PRKAA2: variants seen among roughly 807,000 people sequenced by gnomAD.
PRKAA2 encodes protein kinase AMP-activated catalytic subunit alpha 2.
A neutral mutation model predicts 56.3 loss-of-function variants in PRKAA2; 40 were observed. The observed-to-expected ratio is 0.71, with a 90% CI of 0.55 to 0.92. The LOEUF (loss-of-function observed/expected upper bound fraction) is 0.92, where lower values mean the gene tolerates loss of function less well. Ranked by LOEUF, PRKAA2 falls within the 40% of genes least tolerant of loss-of-function variation. The pLI, the probability that PRKAA2 is intolerant of heterozygous loss-of-function variation, is 0.00. For synonymous variants in PRKAA2, 214 were observed against 234.2 expected (o/e 0.91, Z 0.79); for missense variants, 542 against 686.9 (o/e 0.79, Z 2.36).
intron 1 of PRKAA2, among the ~76,000 whole-genome samples, chr1:56,653,740 A>T (rs1643920877): frequency 6.6e-6 from 1 of 152,302 alleles, no homozygotes; most frequent in East Asian, 1.9e-4. Context: ...GAGAGAGGGA[A>T]GAATTCACTA....
intron 1 of PRKAA2, among the ~76,000 whole-genome samples, chr1:56,657,173 G>C (rs1037740249): frequency 1.4e-4 from 22 of 152,056 alleles, no homozygotes; most frequent in Non-Finnish European, 2.4e-4. Context: ...TGCAGAAATG[G>C]GAAAAAAATG....
intron 6 of PRKAA2, among the ~76,000 whole-genome samples, chr1:56,701,682 G>T (rs1644294393): frequency 6.6e-6 from 1 of 152,080 alleles, no homozygotes; most frequent in African/African-American, 2.4e-5. Flanking sequence ...GGATCACGAG[G>T]TCAGCGACCA....
chr1:56,676,613 G>A (rs1203896255), intron 2 of PRKAA2, among the ~76,000 whole-genome samples: 2 of 152,188 alleles, frequency 1.3e-5, no homozygotes, highest in Non-Finnish European at 2.9e-5. Context: ...TGAGTTTGAA[G>A]TATGGCAGCA....
rs775647745 is a variant in PRKAA2 at position 56,704,040 on chromosome 1, C to T, written c.858C>T (p.Asn286=). ...CTGAAGACCCTTCCTATGATGCTAA[C>T]GTCATTGATGATGAGGCTGTGAAAG... is the stretch of plus-strand genomic sequence containing the variant. The part of the protein sequence containing the change: ...LFPEDPSYDA[N]VIDDEAVKEV... The change falls in exon 7 of 9, where the codon AAC becomes AAT. Residue 286 remains asparagine, a synonymous_variant. Transcript: ENST00000371244. The T allele has an allele frequency of 9.9e-6, 16 of 1,613,832 alleles. No individual in the cohort carries two copies. The highest frequency in any genetic ancestry group is 1.6e-4 in the Middle Eastern group (1 of 6,062).
chr1:56,664,985 T>C (rs1289648670), intron 1 of PRKAA2, among the ~76,000 whole-genome samples: 3 of 151,970 alleles, frequency 2.0e-5, no homozygotes, highest in Admixed American at 6.6e-5. Flanking sequence ...TCTATTGATA[T>C]CATAACTACC....
intron 1 of PRKAA2, among the ~76,000 whole-genome samples, chr1:56,658,345 TAAG>T (rs1041835222): frequency 3.3e-5 from 5 of 151,516 alleles, no homozygotes; most frequent in Non-Finnish European, 5.9e-5. Flanking sequence ...GGAGGACGAG[TAAG>T]AAGGAGATGA....
chr1:56,669,432 C>T (rs1166498537), intron 1 of PRKAA2, among the ~76,000 whole-genome samples: 1 of 151,808 alleles, frequency 6.6e-6, no homozygotes, highest in African/African-American at 2.4e-5. Context: ...GCACTCCAGC[C>T]TGGGTGACAG....
At chr1:56,666,590 A>G (rs1045315027) in intron 1 of PRKAA2, among the ~76,000 whole-genome samples, 1 of 152,222 alleles carries the variant, frequency 6.6e-6, no homozygotes, top group Non-Finnish European at 1.5e-5. Context: ...ATACAGTTCA[A>G]CTGAAATTTG....
At chr1:56,649,832 C>T (rs997011505) in intron 1 of PRKAA2, among the ~76,000 whole-genome samples, 12 of 151,992 alleles carry the variant, frequency 7.9e-5, no homozygotes, top group Non-Finnish European at 1.3e-4. Flanking sequence ...CGGCGGCTCA[C>T]GCCTGTAATC....
rs928221976 is a variant in PRKAA2, at chr1:56,681,788, G to A, written c.236+7266G>A. Among the ~76,000 whole-genome samples the A allele has an allele frequency of 1.4e-4, 21 of 152,270 alleles. 1 individual carries two copies. The highest frequency in any genetic ancestry group is 3.4e-3 in the Middle Eastern group (1 of 294). Reference sequence around the variant, plus strand: ...GTAGTATAGTTTGAAGTCAGTTAGCGTGATGCCTCCAGCTTTGTTCTTTTG... The same window carrying A: ...GTAGTATAGTTTGAAGTCAGTTAGCATGATGCCTCCAGCTTTGTTCTTTTG... On this transcript the variant is annotated intron_variant, in intron 2 of 8. Coordinates refer to ENST00000371244, the MANE Select transcript of PRKAA2 (RefSeq NM_006252.4).
intron 1 of PRKAA2, among the ~76,000 whole-genome samples, chr1:56,670,358 G>T (rs1438452243): frequency 6.6e-6 from 1 of 152,182 alleles, no homozygotes; most frequent in African/African-American, 2.4e-5. Context: ...GTCTGATGGT[G>T]TCAAAAATAT....
At chr1:56,706,007 C>G in intron 7 of PRKAA2, 85 bp from the exon 8 acceptor site, 1 of 1,159,644 alleles carries the variant, frequency 8.6e-7, no homozygotes, top group South Asian at 1.5e-5. Flanking sequence ...CCTACCTCAC[C>G]CCTATTAATT....
In PRKAA2 at chr1:56,668,555, C is replaced by T. The variant is rs1644052182; in HGVS notation, c.95-5826C>T. The stretch of plus-strand genomic sequence containing the variant: ...TTATGCAGTATTTCCATAGCCTTTA[C>T]ATTTTGGCAACTCTTTTCTTTGATC... On this transcript the variant is annotated intron_variant, in intron 1 of 8. Transcript: ENST00000371244. Among the ~76,000 whole-genome samples, 3 of 152,174 alleles carry T rather than the reference C, an allele frequency of 2.0e-5. No homozygotes were observed. In the South Asian group the frequency reaches 6.2e-4, roughly 32 times the overall value.
chr1:56,693,435 A>G (rs779946443), intron 4 of PRKAA2, among the ~76,000 whole-genome samples: 3 of 152,290 alleles, frequency 2.0e-5, no homozygotes, highest in East Asian at 3.9e-4. Context: ...TCTTTCAACT[A>G]TGGAAATAGG....
At chr1:56,658,493 C>A (rs1643963714) in intron 1 of PRKAA2, among the ~76,000 whole-genome samples, 1 of 151,998 alleles carries the variant, frequency 6.6e-6, no homozygotes, top group South Asian at 2.1e-4. Context: ...CTAATACATT[C>A]TCCAACGGTG....
rs1464953650 is a variant in PRKAA2, at chr1:56,677,716, G to A, written c.236+3194G>A. 2.0e-5 allele frequency among the ~76,000 whole-genome samples: 3 copies of A among 150,546 alleles called. No homozygotes were observed. In the East Asian group the frequency reaches 5.9e-4, roughly 29 times the overall value. On this transcript the variant is annotated intron_variant, in intron 2 of 8. Transcript: ENST00000371244. ...CTGTTGCCCAGGCTGGAGTGCAGTG[G>A]TGCAATCTTGGCTCACTGCAACCTT...
chr1:56,652,306 C>T (rs1463572876), intron 1 of PRKAA2, among the ~76,000 whole-genome samples: 6 of 151,930 alleles, frequency 3.9e-5, no homozygotes, highest in African/African-American at 7.3e-5. Flanking sequence ...CTATTGCGCC[C>T]GGCCTCACCC....
chr1:56,675,183 C>A (rs1223527501), intron 2 of PRKAA2, among the ~76,000 whole-genome samples: 1 of 152,026 alleles, frequency 6.6e-6, no homozygotes, highest in African/African-American at 2.4e-5. Flanking sequence ...TAATGTGTTT[C>A]TTTCAGTCAT....
intron 1 of PRKAA2, among the ~76,000 whole-genome samples, chr1:56,656,698 G>A (rs1440491375): frequency 3.9e-5 from 6 of 152,108 alleles, no homozygotes; most frequent in Admixed American, 1.3e-4. Flanking sequence ...CCACTGATAC[G>A]GGCTTCCCAA....
Sources: allele counts gnomAD v4.1 joint callset (sites outside exome capture counted in the v4.1 genomes callset), GRCh38; gene constraint gnomAD v4.1.1; transcripts MANE v1.5; gene names NCBI Gene and HGNC (gene_info 2026-07-23, HGNC 2026-07-21).